The following OPCML variants were observed in gnomAD, a reference collection of about 807,000 sequenced individuals.
The protein encoded by OPCML is opioid binding protein/cell adhesion molecule like.
In OPCML, 13 loss-of-function variants were observed where a neutral mutation model predicts 37.8. The observed-to-expected ratio is 0.34, with a 90% CI of 0.22 to 0.55. OPCML has a LOEUF of 0.55. Among genes scored for constraint, OPCML ranks in the 20% least tolerant of loss-of-function variants. OPCML has a pLI of 0.91. For synonymous variants in OPCML, 176 were observed against 168.8 expected (o/e 1.04, Z -0.33); for missense variants, 341 against 435.6 (o/e 0.78, Z 1.93).
chr11:133,079,692 A>C (rs755483843), intron 1 of OPCML, among the ~76,000 whole-genome samples: 44 of 152,102 alleles, frequency 2.9e-4, no homozygotes, highest in Admixed American at 5.2e-4. Flanking sequence ...ACAAATTCAC[A>C]ATTTCACAAT....
chr11:133,304,686 G>A (rs1014427269), intron 1 of OPCML, among the ~76,000 whole-genome samples: 1 of 152,146 alleles, frequency 6.6e-6, no homozygotes, highest in African/African-American at 2.4e-5. Context: ...ATGAAGGAAG[G>A]TACCCTAAAA....
intron 1 of OPCML, among the ~76,000 whole-genome samples, chr11:133,094,492 A>G (rs1948966856): frequency 6.6e-6 from 1 of 152,162 alleles, no homozygotes; most frequent in African/African-American, 2.4e-5. Context: ...CAATGCCACC[A>G]TCTCAATGAC....
At chr11:132,877,126 C>A (rs1363436189) in intron 2 of OPCML, among the ~76,000 whole-genome samples, 1 of 152,032 alleles carries the variant, frequency 6.6e-6, no homozygotes, top group Non-Finnish European at 1.5e-5. Flanking sequence ...TGATATATAT[C>A]CCACATAGTG....
intron 2 of OPCML, among the ~76,000 whole-genome samples, chr11:132,784,651 T>C (rs1565861527): frequency 6.6e-6 from 1 of 151,784 alleles, no homozygotes; most frequent in Admixed American, 6.6e-5. Context: ...TGGTGCGAGG[T>C]GTCTGGGTCA....
chr11:133,459,962 G>GTA (rs1413530337), intron 1 of OPCML, among the ~76,000 whole-genome samples: 30 of 151,980 alleles, frequency 2.0e-4, no homozygotes, highest in Admixed American at 6.6e-4. Context: ...GATAACTCAT[G>GTA]CATTAGGCAA....
intron 1 of OPCML, among the ~76,000 whole-genome samples, chr11:133,246,918 G>A (rs1167652863): frequency 2.0e-5 from 3 of 152,204 alleles, no homozygotes; most frequent in African/African-American, 7.2e-5. Flanking sequence ...TGAAGAACAA[G>A]AATGAGCAGT....
intron 1 of OPCML, among the ~76,000 whole-genome samples, chr11:133,379,040 A>T (rs1242460885): frequency 2.0e-5 from 3 of 152,188 alleles, no homozygotes; most frequent in Admixed American, 2.0e-4. Context: ...TAGAGGCATG[A>T]GCTACCACAT....
intron 1 of OPCML, among the ~76,000 whole-genome samples, chr11:133,340,861 G>T (rs966436293): frequency 1.3e-5 from 2 of 152,070 alleles, no homozygotes; most frequent in Non-Finnish European, 2.9e-5. Context: ...TTTTGTAATT[G>T]CTGCTCCCTC....
intron 1 of OPCML, among the ~76,000 whole-genome samples, chr11:133,203,428 T>G (rs978970348): frequency 6.6e-6 from 1 of 152,116 alleles, no homozygotes; most frequent in African/African-American, 2.4e-5. Context: ...AGGCCAGGAG[T>G]ATCTTCGCCT....
intron 1 of OPCML, among the ~76,000 whole-genome samples, chr11:133,226,548 G>A (rs543293362): frequency 7.2e-5 from 11 of 152,210 alleles, no homozygotes; most frequent in African/African-American, 2.6e-4. Context: ...TGACCTGAAG[G>A]CATCTCTTCC....
At chr11:132,647,790 G>C (rs1177507727) in intron 3 of OPCML, among the ~76,000 whole-genome samples, 1 of 152,014 alleles carries the variant, frequency 6.6e-6, no homozygotes. Context: ...ATGGTTCAAG[G>C]GTCAACCGTA....
At chr11:132,726,346 C>A (rs572987927) in intron 2 of OPCML, among the ~76,000 whole-genome samples, 1 of 152,244 alleles carries the variant, frequency 6.6e-6, no homozygotes, top group Non-Finnish European at 1.5e-5. Context: ...GAATCTCCCC[C>A]TCATAGAACC....
At position 132,674,650 on chromosome 11, in the gene OPCML, TA is replaced by T. The variant is rs770812676; in HGVS notation, c.147-17332del. Reference sequence around the variant, plus strand: ...TAATGGCTGCTTTTTAATTAAAGTTTATTAAATTCTTAAGATCATAATACTT... The same window carrying T: ...TAATGGCTGCTTTTTAATTAAAGTTTTTAAATTCTTAAGATCATAATACTT... On this transcript the variant is annotated intron_variant, in intron 2 of 7. Transcript: ENST00000524381. 1.4e-3 allele frequency among the ~76,000 whole-genome samples: 217 copies of T among 152,332 alleles called. 1 individual carries two copies. The highest frequency in any genetic ancestry group is 1.2e-3 in the Non-Finnish European group (84 of 68,018).
chr11:133,470,950 C>T (rs755965247), intron 1 of OPCML, among the ~76,000 whole-genome samples: 1 of 152,172 alleles, frequency 6.6e-6, no homozygotes, highest in African/African-American at 2.4e-5. Context: ...AAATTTTGTT[C>T]CCTGAGCTGT....
chr11:132,503,768 C>G (rs1451253556), intron 4 of OPCML, among the ~76,000 whole-genome samples: 1 of 151,460 alleles, frequency 6.6e-6, no homozygotes, highest in East Asian at 1.9e-4. Flanking sequence ...GAAATTTAGC[C>G]AATGCAATGA....
chr11:133,492,033 T>C (rs1377401547), intron 1 of OPCML, among the ~76,000 whole-genome samples: 1 of 152,158 alleles, frequency 6.6e-6, no homozygotes, highest in East Asian at 1.9e-4. Flanking sequence ...CCTAGAATCA[T>C]ACATGGGGTC....
chr11:132,567,805 A>T (rs979533265), intron 3 of OPCML, among the ~76,000 whole-genome samples: 2 of 152,226 alleles, frequency 1.3e-5, no homozygotes, highest in African/African-American at 4.8e-5. Flanking sequence ...GAGGCAGCTG[A>T]AAAGCTTAGG....
At chr11:132,975,284 G>A (rs1946433500) in intron 1 of OPCML, among the ~76,000 whole-genome samples, 1 of 151,652 alleles carries the variant, frequency 6.6e-6, no homozygotes, top group Non-Finnish European at 1.5e-5. Context: ...ACAAATGATG[G>A]AAGTTTTGTT....
rs138852415 is a variant in OPCML at position 133,192,247 on chromosome 11, A to T, written c.62-249237T>A. ...TGAAGCCAGAGTCAATAATACTAAT[A>T]TCTTGATGGCCCTGAATGTTTTTCC... On this transcript the variant is annotated intron_variant, in intron 1 of 7. Transcript: ENST00000524381. 4.3e-3 allele frequency among the ~76,000 whole-genome samples: 648 copies of T among 152,292 alleles called. 2 individuals carry two copies. Among genetic ancestry groups the T allele is most frequent in the Non-Finnish European group, 6.9e-3 (470 of 68,010 alleles).
Sources: allele counts gnomAD v4.1 joint callset (sites outside exome capture counted in the v4.1 genomes callset), GRCh38; gene constraint gnomAD v4.1.1; transcripts MANE v1.5; gene names NCBI Gene and HGNC (gene_info 2026-07-23, HGNC 2026-07-21).